Variants in MGAM2 observed in about 807,000 individuals in gnomAD.
The protein encoded by MGAM2 is maltase-glucoamylase 2 (putative), also known as probable maltase-glucoamylase 2.
MGAM2 carries 98 observed loss-of-function variants against 96.1 expected under a neutral mutation model. The observed-to-expected ratio is 1.02, with a 90% confidence interval of 0.87 to 1.21. The LOEUF is 1.21. MGAM2 is among the 50% of genes most tolerant of loss of function. The pLI is 0.00. For missense variants in MGAM2, 2,055 were observed against 1,182.4 expected (o/e 1.74, Z -10.82); for synonymous variants, 749 against 414.8 (o/e 1.81, Z -9.79).
chr7:142,140,743 TA>T, intron 10 of MGAM2, 58 bp from the exon 11 acceptor site: 2 of 633,378 alleles, frequency 3.2e-6, no homozygotes, highest in South Asian at 3.7e-5. Flanking sequence ...AGAGCTGTAA[TA>T]CTTTCCATCA....
intron 45 of MGAM2, among the ~76,000 whole-genome samples, chr7:142,206,486 G>A (rs1797405232): frequency 1.3e-5 from 2 of 152,260 alleles, no homozygotes; most frequent in Admixed American, 6.5e-5. Flanking sequence ...AATGTTTTAA[G>A]AGAACATAGA....
intron 1 of MGAM2, among the ~76,000 whole-genome samples, chr7:142,114,195 A>G (rs1817295005): frequency 9.6e-6 from 1 of 103,842 alleles, no homozygotes. Flanking sequence ...AGAAAGAAAG[A>G]AAGAAAGAAA....
chr7:142,113,422 G>A (rs1817242759), intron 1 of MGAM2, among the ~76,000 whole-genome samples: 1 of 152,006 alleles, frequency 6.6e-6, no homozygotes, highest in South Asian at 2.1e-4. Context: ...GTTTGTGCTG[G>A]TCACTTGGGT....
At chr7:142,207,064 G>T (rs539276635) in intron 45 of MGAM2, among the ~76,000 whole-genome samples, 2 of 152,320 alleles carry the variant, frequency 1.3e-5, no homozygotes, top group African/African-American at 4.8e-5. Context: ...GAGTTAGTTG[G>T]TTTGGGAGAG....
At chr7:142,133,726 A>C (rs1794974771) in intron 6 of MGAM2, among the ~76,000 whole-genome samples, 1 of 152,152 alleles carries the variant, frequency 6.6e-6, no homozygotes, top group Non-Finnish European at 1.5e-5. Flanking sequence ...TAGTAGATGC[A>C]CATTAAACAT....
chr7:142,165,094 C>G (rs1184572745), intron 24 of MGAM2, 71 bp downstream of exon 24: 1 of 592,976 alleles, frequency 1.7e-6, no homozygotes. Context: ...CTACTTTGCT[C>G]TTTTAACTGT....
intron 30 of MGAM2, 111 bp downstream of exon 30, chr7:142,172,875 T>C: frequency 1.7e-6 from 1 of 580,338 alleles, no homozygotes; most frequent in Non-Finnish European, 3.1e-6. Context: ...GTGTCACTAC[T>C]AGATTATTAC....
intron 32 of MGAM2, among the ~76,000 whole-genome samples, chr7:142,176,095 CA>C (rs61345348): frequency 0.22 from 28,240 of 131,106 alleles, 3,261 homozygotes; most frequent in African/African-American, 0.37. Context: ...CTGAAGATAG[CA>C]AAAAAAAAAA....
intron 3 of MGAM2, among the ~76,000 whole-genome samples, chr7:142,127,899 G>A (rs1794773656): frequency 6.6e-6 from 1 of 152,134 alleles, no homozygotes; most frequent in Non-Finnish European, 1.5e-5. Flanking sequence ...ACCAGGTAGT[G>A]GGGTGCTGCT....
At chr7:142,132,557 C>T (rs9770122) in intron 6 of MGAM2, among the ~76,000 whole-genome samples, 52,036 of 129,476 alleles carry the variant, frequency 0.4, 10,791 homozygotes, top group African/African-American at 0.5. Context: ...TTTAATTATA[C>T]ATTCCATATA....
chr7:142,168,239 C>T (rs1260938776), intron 26 of MGAM2, among the ~76,000 whole-genome samples: 1 of 151,618 alleles, frequency 6.6e-6, no homozygotes, highest in Non-Finnish European at 1.5e-5. Context: ...TAGACCTGGG[C>T]TGGGGCCTAG....
In MGAM2 at chr7:142,132,072, A is replaced by C; in HGVS notation, c.562A>C (p.Asn188His). The C allele has an allele frequency of 1.4e-6, 1 of 702,842 alleles. No individual in the cohort carries two copies. The highest frequency in any genetic ancestry group is 2.0e-5 in the Admixed American group (1 of 49,860). 43.5% of individuals were successfully genotyped at this position (702,842 alleles called of 1,614,324 possible). A position where few individuals can be genotyped will look rare whatever the true frequency, so the allele number is the denominator to read the frequency against. ...CAGCATCAAAATAATGAGGACAAGC[A>C]ACAGAAGAGTCTTGTGAGCTTTTCA... ...PFSIKIMRTS[N>H]RRVLLDTSIG... The change falls in exon 6 of 48, where the codon AAC (asparagine) becomes CAC (histidine). Residue 188 changes from asparagine (N) to histidine (H), a missense_variant. Physicochemically the swap from Asn to His is moderately conservative, Grantham distance 68. Coordinates refer to ENST00000477922, the MANE Select transcript of MGAM2 (RefSeq NM_001293626.2).
chr7:142,185,086 G>T lies in MGAM2; in HGVS notation c.3934G>T (p.Asp1312Tyr). The T allele has an allele frequency of 1.4e-6, 1 of 702,986 alleles. No individual in the cohort carries two copies. Among genetic ancestry groups the T allele is most frequent in the African/African-American group, 1.7e-5 (1 of 57,366 alleles). 43.5% of individuals were successfully genotyped at this position (702,986 alleles called of 1,614,324 possible). A position where few individuals can be genotyped will look rare whatever the true frequency, so the allele number is the denominator to read the frequency against. The change falls in exon 34 of 48, where the codon GAT becomes TAT. Residue 1312 changes from aspartate to tyrosine, a missense_variant. Asp to Tyr is a radical substitution (Grantham distance 160). Coordinates refer to ENST00000477922, the MANE Select transcript of MGAM2 (RefSeq NM_001293626.2). ...CCTTCTTTTTCTCTAGGTTTGGCCA[G>T]ATCTGCCTAATGTAATTGTAGATGG... The part of the protein sequence containing the change: ...NDIVWGKVWP[D>Y]LPNVIVDGSL...
chr7:142,125,614 T>C (rs1262996128), intron 3 of MGAM2, among the ~76,000 whole-genome samples: 1 of 152,144 alleles, frequency 6.6e-6, no homozygotes, highest in Non-Finnish European at 1.5e-5. Flanking sequence ...GTCAATTAGA[T>C]TTATGGAGAG....
In MGAM2 at chr7:142,137,520, A is replaced by G. The variant is rs1352625624; in HGVS notation, c.935A>G (p.Glu312Gly). Residue 312 changes from glutamate to glycine, a missense_variant, in exon 9 of 48, where the codon GAA (glutamate) becomes GGA (glycine). Glu to Gly is a moderately conservative substitution (Grantham distance 98). Coordinates refer to ENST00000477922, the MANE Select transcript of MGAM2 (RefSeq NM_001293626.2). ...TACGTATTCCTAGGAAACACTCCAG[A>G]ACAAGTGGTTCAGGAATACTTGGAG... ...DFYVFLGNTPEQVVQEYLELV... is the reference protein window; with the variant it reads ...DFYVFLGNTPGQVVQEYLELV... 1.4e-6 allele frequency: 1 copy of G among 701,138 alleles called. No individual in the cohort carries two copies. Among genetic ancestry groups the G allele is most frequent in the East Asian group, 2.7e-5 (1 of 37,196 alleles). 43.4% of individuals were successfully genotyped at this position (701,138 alleles called of 1,614,324 possible).
intron 45 of MGAM2, 132 bp from the exon 46 acceptor site, chr7:142,208,441 G>T: frequency 1.5e-6 from 1 of 659,664 alleles, no homozygotes; most frequent in Non-Finnish European, 2.8e-6. Context: ...TCTCTTCAGT[G>T]CTCCTCAGAG....
At position 142,160,566 on chromosome 7, in the gene MGAM2, C is replaced by T. The variant is rs144548588; in HGVS notation, c.2345+308C>T. On this transcript the variant is annotated intron_variant, in intron 21 of 47. Coordinates refer to ENST00000477922, the MANE Select transcript of MGAM2 (RefSeq NM_001293626.2). ...AATTGTCCTTAGGTATATTCCCTAC[C>T]GTGTGAGAGAATTTGAGTTAAATAG... Among the ~76,000 whole-genome samples, 277 of 151,720 alleles carry T rather than the reference C, an allele frequency of 1.8e-3. 1 individual carries two copies. The highest frequency in any genetic ancestry group is 3.4e-3 in the Middle Eastern group (1 of 294).
chr7:142,152,847 A>G (rs1795620020), intron 15 of MGAM2, among the ~76,000 whole-genome samples: 1 of 152,158 alleles, frequency 6.6e-6, no homozygotes, highest in African/African-American at 2.4e-5. Flanking sequence ...TCATTTCAAT[A>G]AAATGCCTAT....
chr7:142,114,114 G>A (rs1039971188), intron 1 of MGAM2, among the ~76,000 whole-genome samples: 1 of 145,794 alleles, frequency 6.9e-6, no homozygotes. Flanking sequence ...CAGGGCAACA[G>A]AGCGAGACTC....
Sources: allele counts gnomAD v4.1 joint callset (sites outside exome capture counted in the v4.1 genomes callset), GRCh38; gene constraint gnomAD v4.1.1; transcripts MANE v1.5; gene names NCBI Gene and HGNC (gene_info 2026-07-23, HGNC 2026-07-21).